Variants in OXR1 observed in about 807,000 individuals in gnomAD.
The protein encoded by OXR1 is oxidation resistance protein 1.
In OXR1, 41 loss-of-function variants were observed where a neutral mutation model predicts 104.6. That is an observed-to-expected ratio of 0.39 (90% CI 0.31 to 0.51). OXR1 has a LOEUF of 0.51. Among genes scored for constraint, OXR1 ranks in the 20% least tolerant of loss-of-function variants. The pLI is 0.77. For synonymous variants in OXR1, 348 were observed against 348.4 expected (o/e 1.00, Z 0.01); for missense variants, 955 against 1,031.9 (o/e 0.93, Z 1.02).
intron 3 of OXR1, among the ~76,000 whole-genome samples, chr8:106,603,391 CA>C (rs1003445248): frequency 6.7e-6 from 1 of 149,254 alleles, no homozygotes; most frequent in Admixed American, 6.7e-5. Context: ...AAATAAAAAG[CA>C]AAAAAAAAGT....
At chr8:106,601,488 C>A (rs1394494192) in intron 3 of OXR1, among the ~76,000 whole-genome samples, 1 of 152,188 alleles carries the variant, frequency 6.6e-6, no homozygotes, top group African/African-American at 2.4e-5. Flanking sequence ...GAGCCCGGGC[C>A]CTTCCATCTA....
chr8:106,467,096 C>T (rs1456885454), intron 2 of OXR1, among the ~76,000 whole-genome samples: 1 of 151,918 alleles, frequency 6.6e-6, no homozygotes, highest in East Asian at 1.9e-4. Flanking sequence ...CAAAGCCTGA[C>T]ATTTTTTTCA....
At chr8:106,484,088 A>G (rs978310798) in intron 2 of OXR1, among the ~76,000 whole-genome samples, 9 of 152,096 alleles carry the variant, frequency 5.9e-5, no homozygotes, top group African/African-American at 2.2e-4. Context: ...ACTTTATTAA[A>G]ATAGAAAAAT....
At chr8:106,283,895 T>G (rs1408884304) in intron 1 of OXR1, among the ~76,000 whole-genome samples, 1 of 152,126 alleles carries the variant, frequency 6.6e-6, no homozygotes, top group Admixed American at 6.5e-5. Context: ...TCCTGATGTA[T>G]TCAAGGAATG....
intron 3 of OXR1, chr8:106,657,949 C>A: frequency 8.0e-7 from 1 of 1,248,040 alleles, no homozygotes; most frequent in East Asian, 3.2e-5. Context: ...AACCGTCGAC[C>A]TCCTGGGCCC....
intron 1 of OXR1, among the ~76,000 whole-genome samples, chr8:106,293,719 G>A (rs1812855473): frequency 6.6e-6 from 1 of 152,130 alleles, no homozygotes; most frequent in African/African-American, 2.4e-5. Context: ...AGACAGAAGG[G>A]CAAGAGAGGG....
intron 1 of OXR1, among the ~76,000 whole-genome samples, chr8:106,315,742 C>T (rs1813902987): frequency 6.6e-6 from 1 of 152,142 alleles, no homozygotes; most frequent in South Asian, 2.1e-4. Flanking sequence ...AAGTTCCAAA[C>T]ACCTGTGTAG....
rs1483100646 is a variant in OXR1 at position 106,284,657 on chromosome 8, C to A, written c.-139+14290C>A. On this transcript the variant is annotated intron_variant, in intron 1 of 16. Transcript: ENST00000517566. Reference sequence around the variant, plus strand: ...TATGCCTTCACCTCTGGATAGCAAGCTTTCAGTTTCAGTGCTAGGATTAGA... The same window carrying A: ...TATGCCTTCACCTCTGGATAGCAAGATTTCAGTTTCAGTGCTAGGATTAGA... Among the ~76,000 whole-genome samples the A allele has an allele frequency of 2.6e-5, 4 of 152,222 alleles. 1 individual carries two copies. The South Asian group carries it at 8.3e-4, about 32-fold the overall frequency.
chr8:106,693,181 T>C (rs182586942), intron 7 of OXR1, among the ~76,000 whole-genome samples: 94 of 152,166 alleles, frequency 6.2e-4, no homozygotes, highest in Middle Eastern at 6.8e-3. Flanking sequence ...CTGTGTGGAG[T>C]GTGAACTTCT....
intron 3 of OXR1, among the ~76,000 whole-genome samples, chr8:106,659,862 C>G (rs147249602): frequency 6.6e-6 from 1 of 152,080 alleles, no homozygotes; most frequent in African/African-American, 2.4e-5. Flanking sequence ...TATCTGACAC[C>G]CTCCTTCAAA....
intron 1 of OXR1, chr8:106,272,704 C>T (rs1231211792): frequency 6.6e-6 from 1 of 152,030 alleles, no homozygotes; most frequent in Admixed American, 6.5e-5. Flanking sequence ...TGAAATATAC[C>T]CTTTGAAATA....
At chr8:106,679,332 A>G (rs751488327) in intron 4 of OXR1, 40 bp downstream of exon 4, 1 of 1,088,596 alleles carries the variant, frequency 9.2e-7, no homozygotes, top group Non-Finnish European at 1.4e-6. Context: ...TTTCTTTGTA[A>G]GAGTCTTCTT....
rs772087787 is a variant in OXR1 at position 106,603,823 on chromosome 8, C to T, written c.221-75387C>T. Among the ~76,000 whole-genome samples the T allele has an allele frequency of 7.9e-5, 12 of 152,192 alleles. No homozygotes were observed. The South Asian group carries it at 1.0e-3, about 13-fold the overall frequency. ...ATCCCAGTAATTTGGGAGGCTGAGG[C>T]GGGTGGATCACTTGAGGTCAGCAGT... On this transcript the variant is annotated intron_variant, in intron 3 of 16. Transcript: ENST00000517566.
At chr8:106,709,280 A>G (rs561335579) in intron 9 of OXR1, among the ~76,000 whole-genome samples, 38 of 152,230 alleles carry the variant, frequency 2.5e-4, no homozygotes, top group Middle Eastern at 3.4e-3. Context: ...TTTTTATGTC[A>G]TGAACCTTTT....
intron 10 of OXR1, among the ~76,000 whole-genome samples, chr8:106,711,040 C>A (rs1831632066): frequency 6.6e-6 from 1 of 151,984 alleles, no homozygotes; most frequent in Non-Finnish European, 1.5e-5. Flanking sequence ...ACTTAAGATA[C>A]CTTGGAGCAA....
chr8:106,287,182 T>C (rs939961965), intron 1 of OXR1, among the ~76,000 whole-genome samples: 15 of 152,154 alleles, frequency 9.9e-5, no homozygotes, highest in African/African-American at 3.6e-4. Flanking sequence ...GATATAAGTT[T>C]AAAATAGAGG....
intron 3 of OXR1, among the ~76,000 whole-genome samples, chr8:106,534,953 G>T (rs77309083): frequency 0.056 from 8,458 of 151,858 alleles, 262 homozygotes; most frequent in Middle Eastern, 0.071. Context: ...CTAGCACGAG[G>T]TTTTTTTTGT....
At chr8:106,687,649 G>A (rs989781065) in intron 6 of OXR1, among the ~76,000 whole-genome samples, 1 of 151,664 alleles carries the variant, frequency 6.6e-6, no homozygotes, top group African/African-American at 2.4e-5. Context: ...GAACCCAGGA[G>A]TCGGGGGTTG....
chr8:106,303,459 T>C (rs12550340), intron 1 of OXR1, among the ~76,000 whole-genome samples: 33,293 of 150,278 alleles, frequency 0.22, 5,413 homozygotes, highest in African/African-American at 0.46. Flanking sequence ...AGGATGATCT[T>C]GGTCTCCTGA....
Sources: gnomAD v4.1 joint callset for allele counts (sites outside exome capture counted in the v4.1 genomes callset) on GRCh38, gnomAD v4.1.1 for gene constraint, MANE v1.5 for transcripts, NCBI Gene and HGNC (gene_info 2026-07-23, HGNC 2026-07-21) for gene names.